Variants in KATNAL1 observed in about 807,000 individuals in gnomAD.
The protein encoded by KATNAL1 is katanin p60 ATPase-containing subunit A-like 1.
A neutral mutation model predicts 55.2 loss-of-function variants in KATNAL1; 32 were observed. The ratio of observed to expected loss-of-function variants is 0.58; its 90% CI spans 0.44 to 0.78. The LOEUF is 0.78. KATNAL1 is among the 30% of genes least tolerant of loss of function. KATNAL1 has a pLI of 0.00. For missense variants in KATNAL1, 466 were observed against 600.9 expected, an observed-to-expected ratio of 0.78 and a Z score of 2.35; for synonymous variants, 193 against 193.6, an observed-to-expected ratio of 1.00 and a Z score of 0.02.
chr13:30,293,763 A>C (rs1426033709), intron 1 of KATNAL1, among the ~76,000 whole-genome samples: 2 of 152,076 alleles, frequency 1.3e-5, no homozygotes, highest in African/African-American at 2.4e-5. Flanking sequence ...GCCTCATTTT[A>C]CTGCACTTCG....
intron 3 of KATNAL1, among the ~76,000 whole-genome samples, chr13:30,269,532 ATCGTCTGGGACGTGAGGAG>A: frequency 7.3e-6 from 1 of 136,606 alleles, no homozygotes; most frequent in Admixed American, 7.3e-5. Context: ...CTGGCTGCCC[ATCGTCTGGGACGTGAGGAG>A]CCCCTCTGCC....
Position 30,203,583 on chromosome 13 carries a change from C to A in KATNAL1, c.*4957G>T, listed in dbSNP as rs1358996229. The A allele has an allele frequency of 6.6e-6, 1 of 152,144 alleles. No homozygotes were observed. The highest frequency in any genetic ancestry group is 1.5e-5 in the Non-Finnish European group (1 of 68,026). The allele number at this position is 152,144 out of a possible 1,614,324, so 9.4% of individuals were successfully genotyped here. On this transcript the variant is annotated 3_prime_UTR_variant, in exon 11 of 11. Coordinates refer to ENST00000380615, the MANE Select transcript of KATNAL1 (RefSeq NM_032116.5). Reference sequence around the variant, plus strand: ...TGTCAAATTTCCATATGTACAAAAACCTACACACTGTTGGTAATAAAGCAA... The same window carrying A: ...TGTCAAATTTCCATATGTACAAAAAACTACACACTGTTGGTAATAAAGCAA...
At chr13:30,239,521 G>A (rs968514734) in intron 6 of KATNAL1, among the ~76,000 whole-genome samples, 1 of 152,076 alleles carries the variant, frequency 6.6e-6, no homozygotes, top group East Asian at 1.9e-4. Flanking sequence ...TTCTATTCAA[G>A]AATTTTATTC....
intron 10 of KATNAL1, among the ~76,000 whole-genome samples, chr13:30,209,197 T>C (rs1423318640): frequency 1.3e-5 from 2 of 152,192 alleles, no homozygotes; most frequent in African/African-American, 2.4e-5. Context: ...ATAGTGGACA[T>C]GGAATTCCCT....
chr13:30,271,609 A>G (rs1017546413), intron 3 of KATNAL1, among the ~76,000 whole-genome samples: 2 of 152,148 alleles, frequency 1.3e-5, no homozygotes, highest in Admixed American at 6.5e-5. Context: ...ATCCACCCCC[A>G]TGATCTAATC....
chr13:30,255,975 A>G (rs887747813), intron 3 of KATNAL1, among the ~76,000 whole-genome samples: 8 of 152,220 alleles, frequency 5.3e-5, no homozygotes, highest in Non-Finnish European at 1.2e-4. Context: ...TAAACCAAGA[A>G]TAAGTAACTT....
intron 9 of KATNAL1, among the ~76,000 whole-genome samples, chr13:30,223,854 A>C (rs1289887001): frequency 6.6e-6 from 1 of 152,200 alleles, no homozygotes; most frequent in Admixed American, 6.5e-5. Context: ...ATACTAACAC[A>C]CCAACTTCAT....
At chr13:30,282,311 T>C (rs1881418561) in intron 2 of KATNAL1, among the ~76,000 whole-genome samples, 1 of 152,008 alleles carries the variant, frequency 6.6e-6, no homozygotes, top group Non-Finnish European at 1.5e-5. Flanking sequence ...CAAAACAACA[T>C]GTAAATATGA....
chr13:30,219,287 T>A (rs1021256825), intron 9 of KATNAL1, among the ~76,000 whole-genome samples: 5 of 152,204 alleles, frequency 3.3e-5, no homozygotes, highest in Admixed American at 2.6e-4. Flanking sequence ...GGCCTTTTTA[T>A]CCTATCTGGT....
rs1425466929 is a variant in KATNAL1 at position 30,204,157 on chromosome 13, G to GA, written c.*4382dup. Reference sequence around the variant, plus strand: ...AAAATATACAATCAAAACAGTTACGGAAAAAAAGATACAAAAAAGAGAATA... The same window carrying GA: ...AAAATATACAATCAAAACAGTTACGGAAAAAAAAGATACAAAAAAGAGAATA... On this transcript the variant is annotated 3_prime_UTR_variant, in exon 11 of 11. Coordinates refer to ENST00000380615, the MANE Select transcript of KATNAL1 (RefSeq NM_032116.5). 4 of 151,956 alleles carry GA rather than the reference G, an allele frequency of 2.6e-5. No individual in the cohort carries two copies. The highest frequency in any genetic ancestry group is 5.9e-5 in the Non-Finnish European group (4 of 67,972). The allele number at this position is 151,956 out of a possible 1,614,324, so 9.4% of individuals were successfully genotyped here. A position where few individuals can be genotyped will look rare whatever the true frequency, so the allele number is the denominator to read the frequency against.
intron 1 of KATNAL1, among the ~76,000 whole-genome samples, chr13:30,304,072 A>G (rs1883030831): frequency 6.6e-6 from 1 of 152,218 alleles, no homozygotes; most frequent in African/African-American, 2.4e-5. Flanking sequence ...TTAACACCTC[A>G]TATGAAATAA....
chr13:30,212,510 G>T (rs867456989), intron 9 of KATNAL1, among the ~76,000 whole-genome samples: 3 of 152,324 alleles, frequency 2.0e-5, no homozygotes, highest in South Asian at 4.2e-4. Context: ...AGCCTGCCAG[G>T]CCCAGTGGTC....
At chr13:30,252,903 C>T (rs2137456152) in intron 4 of KATNAL1, among the ~76,000 whole-genome samples, 1 of 152,250 alleles carries the variant, frequency 6.6e-6, no homozygotes, top group Admixed American at 6.5e-5. Context: ...TGCACCACCA[C>T]ACCCAGCTAA....
In KATNAL1 at chr13:30,283,653, G is replaced by C; in HGVS notation, c.125C>G (p.Ser42Ter). The change falls in exon 2 of 11, where the codon TCA (serine) becomes TGA (stop). Residue 42 changes from serine to a stop codon, truncating the protein, a stop_gained. Transcript: ENST00000380615. LOFTEE classifies it high-confidence loss of function. Reference protein sequence around the residue: ...VMQQIQRHCQSVRDPAIKGKW... With the variant: ...VMQQIQRHCQ Reference sequence around the variant, plus strand: ...GCCTTTGATAGCTGGATCTCTGACTGACTGGCAATGTCTCTGAATCTGCTG... The same window carrying C: ...GCCTTTGATAGCTGGATCTCTGACTCACTGGCAATGTCTCTGAATCTGCTG... 6.2e-7 allele frequency: 1 copy of C among 1,613,870 alleles called. No homozygotes were observed. Among genetic ancestry groups the C allele is most frequent in the Non-Finnish European group, 8.5e-7 (1 of 1,179,912 alleles).
intron 3 of KATNAL1, among the ~76,000 whole-genome samples, chr13:30,266,800 C>A (rs557661674): frequency 3.3e-5 from 5 of 152,240 alleles, no homozygotes; most frequent in Non-Finnish European, 7.4e-5. Context: ...TCCAACTTAA[C>A]CAAGGTAATA....
intron 1 of KATNAL1, among the ~76,000 whole-genome samples, chr13:30,306,317 G>C (rs1026965358): frequency 2.0e-5 from 3 of 152,104 alleles, no homozygotes; most frequent in Admixed American, 1.3e-4. Context: ...CCGAAAACAT[G>C]CTGAGAAATT....
At chr13:30,237,412 C>T (rs538829081) in intron 6 of KATNAL1, among the ~76,000 whole-genome samples, 2 of 152,246 alleles carry the variant, frequency 1.3e-5, no homozygotes, top group East Asian at 3.9e-4. Context: ...GATAGATGAA[C>T]AGAGTCTCAA....
chr13:30,215,631 T>G (rs1012998973), intron 9 of KATNAL1, among the ~76,000 whole-genome samples: 3 of 152,196 alleles, frequency 2.0e-5, no homozygotes, highest in African/African-American at 7.2e-5. Flanking sequence ...TGTAGGGACA[T>G]GGATGAAACT....
chr13:30,307,176 C>G (rs1593199065), intron 1 of KATNAL1, 155 bp downstream of exon 1: 1 of 152,382 alleles, frequency 6.6e-6, no homozygotes, highest in East Asian at 1.9e-4. Flanking sequence ...GGCGCTCCCG[C>G]GCCCCTCCCC....
Sources: allele counts gnomAD v4.1 joint callset (sites outside exome capture counted in the v4.1 genomes callset), GRCh38; gene constraint gnomAD v4.1.1; transcripts MANE v1.5; gene names NCBI Gene and HGNC (gene_info 2026-07-23, HGNC 2026-07-21).